MTA3: variants seen among roughly 807,000 people sequenced by gnomAD.
The protein encoded by MTA3 is metastasis associated 1 family member 3, also known as metastasis-associated protein MTA3.
Under a neutral mutation model 83.5 loss-of-function variants are expected in MTA3, and 34 were observed. The ratio of observed to expected loss-of-function variants is 0.41; its 90% CI spans 0.31 to 0.54. MTA3 has a LOEUF of 0.54. MTA3 is among the 20% of genes least tolerant of loss of function. The pLI is 0.33. For synonymous variants in MTA3, 303 were observed against 252.7 expected (o/e 1.20, Z -1.89); for missense variants, 761 against 726.4 (o/e 1.05, Z -0.55).
chr2:42,622,343 G>A (rs916548805), intron 4 of MTA3, among the ~76,000 whole-genome samples: 1 of 151,198 alleles, frequency 6.6e-6, no homozygotes, highest in African/African-American at 2.4e-5. Flanking sequence ...TGCAGTGAGC[G>A]GAGATGGCAG....
At chr2:42,715,406 C>CTTTTTT (rs35673744) in intron 14 of MTA3, among the ~76,000 whole-genome samples, 3 of 104,170 alleles carry the variant, frequency 2.9e-5, no homozygotes, top group Non-Finnish European at 3.7e-5. Context: ...CCACCAACTA[C>CTTTTTT]TTTTTTTTTT....
At chr2:42,638,518 C>G (rs1000378676) in intron 4 of MTA3, among the ~76,000 whole-genome samples, 1 of 151,714 alleles carries the variant, frequency 6.6e-6, no homozygotes, top group Non-Finnish European at 1.5e-5. Context: ...GTAGCTGGGA[C>G]TATGCCCTGC....
intron 7 of MTA3, 29 bp from the exon 8 acceptor site, chr2:42,659,734 C>G: frequency 6.9e-7 from 1 of 1,442,482 alleles, no homozygotes; most frequent in Non-Finnish European, 9.2e-7. Context: ...ATACTTAATT[C>G]TTCCTTATTG....
intron 6 of MTA3, among the ~76,000 whole-genome samples, chr2:42,654,711 C>CTTATG (rs1689005177): frequency 1.3e-5 from 2 of 152,184 alleles, no homozygotes; most frequent in African/African-American, 2.4e-5. Context: ...ACCTCCTGGG[C>CTTATG]TGAAGCAGCC....
intron 3 of MTA3, among the ~76,000 whole-genome samples, chr2:42,596,998 G>A (rs1409347623): frequency 1.3e-5 from 2 of 151,726 alleles, no homozygotes; most frequent in African/African-American, 2.4e-5. Context: ...TCTGCCTCCC[G>A]GGTTCAAGCA....
chr2:42,751,575 G>C (rs1669872673), intron 16 of MTA3, among the ~76,000 whole-genome samples: 1 of 152,216 alleles, frequency 6.6e-6, no homozygotes, highest in African/African-American at 2.4e-5. Flanking sequence ...CCAGAATACA[G>C]AGAGGTGGCC....
At chr2:42,713,158 G>A (rs961188374) in intron 14 of MTA3, among the ~76,000 whole-genome samples, 1 of 152,216 alleles carries the variant, frequency 6.6e-6, no homozygotes, top group Non-Finnish European at 1.5e-5. Flanking sequence ...GGCTTGCAGA[G>A]AGAGTGAAGT....
chr2:42,557,408 T>C (rs1677449945), intron 2 of MTA3, among the ~76,000 whole-genome samples: 2 of 152,294 alleles, frequency 1.3e-5, no homozygotes, highest in South Asian at 4.1e-4. Context: ...ACGTACATTA[T>C]GTCTCCTCTT....
intron 2 of MTA3, among the ~76,000 whole-genome samples, chr2:42,509,769 G>A (rs568309886): frequency 5.3e-5 from 8 of 151,416 alleles, no homozygotes; most frequent in Admixed American, 2.0e-4. Context: ...AGACCCTGTC[G>A]CAAAAAACAA....
chr2:42,752,710 TC>T (rs1295674282), intron 16 of MTA3, among the ~76,000 whole-genome samples: 1 of 152,140 alleles, frequency 6.6e-6, no homozygotes, highest in African/African-American at 2.4e-5. Flanking sequence ...TCGTGCCTCC[TC>T]CCAGCCAACT....
Position 42,754,493 on chromosome 2 carries a change from T to C in MTA3, c.*1094T>C. On this transcript the variant is annotated 3_prime_UTR_variant, in exon 17 of 17. Coordinates refer to ENST00000405094, the MANE Select transcript of MTA3 (RefSeq NM_001330442.2). Reference sequence around the variant, plus strand: ...ACCTGCCCTCGGCACGAGCCCTTGGTGGCATCACAGTTGGCCACTCAGCTG... The same window carrying C: ...ACCTGCCCTCGGCACGAGCCCTTGGCGGCATCACAGTTGGCCACTCAGCTG... The C allele has an allele frequency of 2.0e-6, 2 of 985,476 alleles. No homozygotes were observed. Among genetic ancestry groups the C allele is most frequent in the African/African-American group, 1.7e-5 (1 of 57,328 alleles). The allele number at this position is 985,476 out of a possible 1,614,324, so 61.0% of individuals were successfully genotyped here. A position where few individuals can be genotyped will look rare whatever the true frequency, so the allele number is the denominator to read the frequency against.
chr2:42,534,791 G>A (rs909187199), intron 2 of MTA3, among the ~76,000 whole-genome samples: 13 of 151,964 alleles, frequency 8.6e-5, no homozygotes, highest in African/African-American at 2.4e-4. Flanking sequence ...TTAGCGTTGT[G>A]TGGATTCCTT....
chr2:42,706,166 C>A (rs1666062635), intron 12 of MTA3, among the ~76,000 whole-genome samples: 1 of 151,988 alleles, frequency 6.6e-6, no homozygotes, highest in Non-Finnish European at 1.5e-5. Flanking sequence ...AGGAGATATA[C>A]CTAATGCTAA....
At chr2:42,734,194 A>T (rs1248182336) in intron 16 of MTA3, among the ~76,000 whole-genome samples, 3 of 152,058 alleles carry the variant, frequency 2.0e-5, no homozygotes, top group Non-Finnish European at 2.9e-5. Flanking sequence ...TATTTGCTTT[A>T]TGTATCTGGG....
intron 2 of MTA3, among the ~76,000 whole-genome samples, chr2:42,559,846 C>T (rs564170303): frequency 1.8e-4 from 27 of 151,060 alleles, no homozygotes; most frequent in Non-Finnish European, 3.5e-4. Context: ...TGCAGTAAGC[C>T]GAGATTGAGC....
chr2:42,679,661 A>G (rs1691691259), intron 8 of MTA3, among the ~76,000 whole-genome samples: 1 of 152,240 alleles, frequency 6.6e-6, no homozygotes, highest in Non-Finnish European at 1.5e-5. Flanking sequence ...CCAGCTGCCT[A>G]CAGGAAATAT....
chr2:42,689,748 C>T (rs1197629978), intron 9 of MTA3, among the ~76,000 whole-genome samples: 4 of 148,296 alleles, frequency 2.7e-5, no homozygotes, highest in South Asian at 2.1e-4. Context: ...TCTACTCTCT[C>T]GTTCCTGATA....
Position 42,539,062 on chromosome 2 carries a change from C to T in MTA3, c.-140-31375C>T, listed in dbSNP as rs1415746541. 2.0e-5 allele frequency among the ~76,000 whole-genome samples: 3 copies of T among 152,126 alleles called. No homozygotes were observed. In the South Asian group the frequency reaches 6.2e-4, roughly 32 times the overall value. ...GTGCTGGGATTACAGGCGTGAGCCA[C>T]CGCTCCCGGCCTGAAAAAAATGTTA... On this transcript the variant is annotated intron_variant, in intron 2 of 17. Coordinates refer to the MTA3 transcript ENST00000405592.
intron 2 of MTA3, among the ~76,000 whole-genome samples, chr2:42,560,147 T>C (rs186290310): frequency 6.6e-6 from 1 of 152,210 alleles, no homozygotes; most frequent in African/African-American, 2.4e-5. Context: ...CTCAGCCTTC[T>C]GAGCAGCTGG....
Sources: gnomAD v4.1 joint callset for allele counts (sites outside exome capture counted in the v4.1 genomes callset) on GRCh38, gnomAD v4.1.1 for gene constraint, MANE v1.5 for transcripts, NCBI Gene and HGNC (gene_info 2026-07-23, HGNC 2026-07-21) for gene names.